The following PALM2AKAP2 variants were observed in gnomAD, a reference collection of about 807,000 sequenced individuals.
PALM2AKAP2 encodes the protein PALM2 and AKAP2 fusion, also known as PALM2-AKAP2 fusion protein.
PALM2AKAP2 carries 37 observed loss-of-function variants against 71.5 expected under a neutral mutation model. The observed-to-expected ratio is 0.52, with a 90% CI of 0.40 to 0.68. The LOEUF (loss-of-function observed/expected upper bound fraction) is 0.68. Ranked by LOEUF, PALM2AKAP2 falls within the 30% of genes least tolerant of loss-of-function variation. The pLI, the probability that PALM2AKAP2 is intolerant of heterozygous loss-of-function variation, is 0.00. For missense variants in PALM2AKAP2, 1,224 were observed against 1,191.8 expected, an observed-to-expected ratio of 1.03 and a Z score of -0.40; for synonymous variants, 468 against 478.8, an observed-to-expected ratio of 0.98 and a Z score of 0.29.
chr9:110,089,334 A>G (rs537019815), intron 1 of PALM2AKAP2, among the ~76,000 whole-genome samples: 100 of 152,344 alleles, frequency 6.6e-4, no homozygotes, highest in Non-Finnish European at 1.2e-3. Context: ...AATGATCTCT[A>G]GAGATAATAT....
chr9:110,035,704 T>C (rs998960764), intron 7 of PALM2AKAP2, among the ~76,000 whole-genome samples: 2 of 125,824 alleles, frequency 1.6e-5, no homozygotes, highest in Non-Finnish European at 3.2e-5. Context: ...ATATGTTGTG[T>C]GTTATATATA....
upstream of PALM2AKAP2, among the ~76,000 whole-genome samples, chr9:109,775,923 C>A (rs1327388498): frequency 6.6e-6 from 1 of 152,192 alleles, no homozygotes; most frequent in Admixed American, 6.5e-5. Flanking sequence ...TCGTATAATG[C>A]TTTGCAATGA....
chr9:109,895,410 A>G (rs1183873672), intron 3 of PALM2AKAP2, among the ~76,000 whole-genome samples: 1 of 152,198 alleles, frequency 6.6e-6, no homozygotes, highest in African/African-American at 2.4e-5. Context: ...GTCCCAGCTG[A>G]ATCTGTAAAT....
chr9:110,074,827 A>AC (rs1257012726), intron 1 of PALM2AKAP2, among the ~76,000 whole-genome samples: 2 of 151,844 alleles, frequency 1.3e-5, no homozygotes, highest in Non-Finnish European at 2.9e-5. Flanking sequence ...ACATGGTGAA[A>AC]CCCCGTCTCT....
chr9:110,118,007 G>GTGTGTA (rs1835404374), intron 1 of PALM2AKAP2, among the ~76,000 whole-genome samples: 1 of 150,880 alleles, frequency 6.6e-6, no homozygotes, highest in Non-Finnish European at 1.5e-5. Context: ...GTGTGTGTGT[G>GTGTGTA]TGTATGTAGT....
chr9:110,150,182 C>T (rs1376655215), intron 2 of PALM2AKAP2, among the ~76,000 whole-genome samples: 1 of 152,222 alleles, frequency 6.6e-6, no homozygotes, highest in African/African-American at 2.4e-5. Flanking sequence ...GTCTGCAATC[C>T]AGGGAGAGAG....
chr9:109,753,799 C>T (rs1458489908), intron 1 of PALM2AKAP2, among the ~76,000 whole-genome samples: 1 of 149,996 alleles, frequency 6.7e-6, no homozygotes, highest in Non-Finnish European at 1.5e-5. Context: ...GAGTTCTTCA[C>T]TTCTTTAAAG....
At chr9:109,897,538 C>T (rs1830230409) in intron 3 of PALM2AKAP2, among the ~76,000 whole-genome samples, 1 of 152,004 alleles carries the variant, frequency 6.6e-6, no homozygotes, top group Non-Finnish European at 1.5e-5. Flanking sequence ...AAGATTGCAT[C>T]ACTGCACTCC....
intron 1 of PALM2AKAP2, among the ~76,000 whole-genome samples, chr9:109,761,398 T>G (rs1184455946): frequency 6.6e-6 from 1 of 152,214 alleles, no homozygotes; most frequent in Non-Finnish European, 1.5e-5. Flanking sequence ...GGGATACATG[T>G]GCAGAATGTG....
intron 6 of PALM2AKAP2, among the ~76,000 whole-genome samples, chr9:109,985,238 A>C (rs17805175): frequency 0.13 from 19,437 of 152,156 alleles, 1,562 homozygotes; most frequent in East Asian, 0.25. Context: ...TTACCTTTTT[A>C]AAAGCCTGAC....
At chr9:110,006,358 CT>C (rs552813650) in intron 6 of PALM2AKAP2, among the ~76,000 whole-genome samples, 31 of 126,870 alleles carry the variant, frequency 2.4e-4, no homozygotes, top group African/African-American at 8.5e-4. Flanking sequence ...TTCTTTCTTT[CT>C]TTCTTTCTTT....
At chr9:109,943,236 G>A (rs774240009) in intron 6 of PALM2AKAP2, 7 of 1,614,212 alleles carry the variant, frequency 4.3e-6, no homozygotes, top group African/African-American at 2.7e-5. Context: ...ATGATGAGAA[G>A]TCATTGAGGG....
intron 1 of PALM2AKAP2, among the ~76,000 whole-genome samples, chr9:110,126,392 C>T (rs2119033236): frequency 6.6e-6 from 1 of 152,310 alleles, no homozygotes; most frequent in Admixed American, 6.5e-5. Context: ...AACTGAAAAA[C>T]TAGGCTTGCT....
At chr9:109,717,716 C>A (rs1047450687) in intron 1 of PALM2AKAP2, among the ~76,000 whole-genome samples, 1 of 152,248 alleles carries the variant, frequency 6.6e-6, no homozygotes, top group Non-Finnish European at 1.5e-5. Flanking sequence ...TCCTACAAAG[C>A]CTTTCCCTGA....
intron 6 of PALM2AKAP2, among the ~76,000 whole-genome samples, chr9:110,015,600 T>A (rs1386961012): frequency 1.3e-5 from 2 of 152,068 alleles, no homozygotes; most frequent in Non-Finnish European, 2.9e-5. Context: ...GAGTGCAACT[T>A]GGTCTCAATA....
At chr9:109,895,552 C>T (rs1316613464) in intron 3 of PALM2AKAP2, among the ~76,000 whole-genome samples, 1 of 152,178 alleles carries the variant, frequency 6.6e-6, no homozygotes, top group Non-Finnish European at 1.5e-5. Flanking sequence ...TCGGTAAGAT[C>T]CACTGTGGTT....
chr9:109,921,265 C>T (rs938035312), intron 3 of PALM2AKAP2, among the ~76,000 whole-genome samples: 1 of 152,134 alleles, frequency 6.6e-6, no homozygotes, highest in Non-Finnish European at 1.5e-5. Context: ...TTTGTGCCCT[C>T]TGTCTGAGGA....
At chr9:109,720,452 G>A (rs1828388586) in intron 1 of PALM2AKAP2, among the ~76,000 whole-genome samples, 1 of 152,216 alleles carries the variant, frequency 6.6e-6, no homozygotes, top group African/African-American at 2.4e-5. Context: ...TAGATCCTCA[G>A]AGCTGGAAGT....
intron 5 of PALM2AKAP2, among the ~76,000 whole-genome samples, chr9:109,929,161 T>C (rs1212403263): frequency 6.6e-6 from 1 of 150,950 alleles, no homozygotes; most frequent in Non-Finnish European, 1.5e-5. Context: ...ATTCCCTGTC[T>C]GTAAGTAGTT....
Sources: allele counts gnomAD v4.1 joint callset (sites outside exome capture counted in the v4.1 genomes callset), GRCh38; gene constraint gnomAD v4.1.1; transcripts MANE v1.5; gene names NCBI Gene and HGNC (gene_info 2026-07-23, HGNC 2026-07-21).